PDPN: variants seen among roughly 807,000 people sequenced by gnomAD.
PDPN encodes the protein podoplanin.
PDPN carries 12 observed loss-of-function variants against 23.2 expected under a neutral mutation model. The ratio of observed to expected loss-of-function variants is 0.52; its 90% CI spans 0.33 to 0.84. The LOEUF (loss-of-function observed/expected upper bound fraction) is 0.84, where lower values mean the gene tolerates loss of function less well. Among genes scored for constraint, PDPN ranks in the 40% least tolerant of loss-of-function variants. The pLI is 0.02. For synonymous variants in PDPN, 77 were observed against 76.7 expected, an observed-to-expected ratio of 1.00 and a Z score of -0.02; for missense variants, 199 against 212.2, an observed-to-expected ratio of 0.94 and a Z score of 0.39.
chr1:13,585,587 GC>G (rs1359503709), intron 1 of PDPN: 1 of 1,351,898 alleles, frequency 7.4e-7, no homozygotes, highest in Non-Finnish European at 9.8e-7. Context: ...CTTTGTTTTT[GC>G]CCAGGGAAGC....
At chr1:13,587,681 C>CA (rs1299641760) in intron 1 of PDPN, among the ~76,000 whole-genome samples, 4 of 152,126 alleles carry the variant, frequency 2.6e-5, no homozygotes, top group African/African-American at 9.7e-5. Flanking sequence ...TCCAAGTGGA[C>CA]AGTTACTGTG....
chr1:13,609,474 C>A (rs1640878923), intron 2 of PDPN, among the ~76,000 whole-genome samples: 1 of 152,112 alleles, frequency 6.6e-6, no homozygotes, highest in African/African-American at 2.4e-5. Flanking sequence ...ATCATCTCAA[C>A]CATTTTTAAG....
At chr1:13,589,407 A>G (rs1036585667) in intron 1 of PDPN, among the ~76,000 whole-genome samples, 15 of 152,220 alleles carry the variant, frequency 9.9e-5, no homozygotes, top group Non-Finnish European at 1.8e-4. Flanking sequence ...CCATAAGATT[A>G]AATGTGAATC....
At chr1:13,587,772 C>A (rs996717838) in intron 1 of PDPN, among the ~76,000 whole-genome samples, 49 of 152,216 alleles carry the variant, frequency 3.2e-4, no homozygotes, top group African/African-American at 1.1e-3. Flanking sequence ...TGAGCTAGAG[C>A]CCCGGTAGGG....
chr1:13,609,968 G>A (rs1640892012), intron 2 of PDPN, among the ~76,000 whole-genome samples: 1 of 152,168 alleles, frequency 6.6e-6, no homozygotes, highest in Non-Finnish European at 1.5e-5. Context: ...GGAGGCTGAG[G>A]TAGGAGAATT....
rs1365995867 is a variant in PDPN at position 13,616,486 on chromosome 1, C to G, written c.*575C>G. The G allele has an allele frequency of 6.5e-6, 1 of 154,436 alleles. No homozygotes were observed. Among genetic ancestry groups the G allele is most frequent in the Non-Finnish European group, 1.4e-5 (1 of 69,446 alleles). 9.6% of individuals were successfully genotyped at this position (154,436 alleles called of 1,614,324 possible). ...TGGATAACACGTGGTGAACAACTGC[C>G]TTTAGCTGGTCCAGATTAATCATTT... On this transcript the variant is annotated 3_prime_UTR_variant, in exon 6 of 6. Transcript: ENST00000621990.
intron 2 of PDPN, among the ~76,000 whole-genome samples, chr1:13,609,863 G>T (rs1301531971): frequency 2.0e-5 from 3 of 151,996 alleles, no homozygotes; most frequent in African/African-American, 7.3e-5. Context: ...TCGGGAGTTC[G>T]AGGCCAGCCT....
rs1403498123 is a variant in PDPN, at chr1:13,616,087, A to C, written c.*176A>C. 14 of 634,074 alleles carry C rather than the reference A, an allele frequency of 2.2e-5. No individual in the cohort carries two copies. The East Asian group carries it at 3.5e-4, about 16-fold the overall frequency. The allele number at this position is 634,074 out of a possible 1,614,324, so 39.3% of individuals were successfully genotyped here. On this transcript the variant is annotated 3_prime_UTR_variant, in exon 6 of 6. Transcript: ENST00000621990. ...ATAACCGAAGGAAAGACCGTTCACCAGACTTGGCTCCTCTAAACATTTGCT... is the reference window on the plus strand; with the variant it reads ...ATAACCGAAGGAAAGACCGTTCACCCGACTTGGCTCCTCTAAACATTTGCT...
At chr1:13,599,581 A>C (rs1570033570) in intron 1 of PDPN, among the ~76,000 whole-genome samples, 1 of 151,520 alleles carries the variant, frequency 6.6e-6, no homozygotes, top group African/African-American at 2.4e-5. Flanking sequence ...AGACGGTTTC[A>C]CCATGTTGGC....
intron 1 of PDPN, 156 bp downstream of exon 1, chr1:13,584,256 G>C: frequency 6.5e-7 from 1 of 1,532,340 alleles, no homozygotes; most frequent in Non-Finnish European, 8.7e-7. Flanking sequence ...CGGAGGAGGA[G>C]AGGCAGCGGC....
chr1:13,614,888 A>G lies in PDPN; in HGVS notation c.482+477A>G, dbSNP rs55839036. On this transcript the variant is annotated intron_variant, in intron 5 of 5. Transcript: ENST00000621990. ...AGACCTTATAAATTTCCAAAATAAG[A>G]GAGTCAGAGCCAGAGGTGGCTTGTA... 6.8e-3 allele frequency: 3,398 copies of G among 500,100 alleles called. 100 individuals carry two copies. Among genetic ancestry groups the G allele is most frequent in the African/African-American group, 0.061 (3,091 of 50,760 alleles). 31.0% of individuals were successfully genotyped at this position (500,100 alleles called of 1,614,324 possible).
intron 1 of PDPN, among the ~76,000 whole-genome samples, chr1:13,601,840 A>G (rs983893550): frequency 3.7e-4 from 56 of 152,354 alleles, no homozygotes; most frequent in African/African-American, 1.3e-3. Flanking sequence ...CATAAGGAAA[A>G]CATAGGTGAA....
Position 13,615,989 on chromosome 1 carries a change from C to T in PDPN, c.*78C>T, listed in dbSNP as rs369459653. ...TGACTCTGTGCCCTGTCCCTGAGCT[C>T]GTGGGAGAAGATGACCCGTGGAACA... On this transcript the variant is annotated 3_prime_UTR_variant, in exon 6 of 6. Transcript: ENST00000621990. The T allele has an allele frequency of 3.5e-5, 49 of 1,382,958 alleles. No individual in the cohort carries two copies. The African/African-American group carries it at 4.4e-4, about 12-fold the overall frequency. 85.7% of individuals were successfully genotyped at this position (1,382,958 alleles called of 1,614,324 possible).
At position 13,617,369 on chromosome 1, in the gene PDPN, C is replaced by T. The variant is rs1641099565; in HGVS notation, c.*1458C>T. The T allele has an allele frequency of 6.6e-6, 1 of 152,160 alleles. No homozygotes were observed. The highest frequency in any genetic ancestry group is 6.5e-5 in the Admixed American group (1 of 15,278). The allele number at this position is 152,160 out of a possible 1,614,324, so 9.4% of individuals were successfully genotyped here. ...CAGTGTGTCTGTGTGTTCCCAAATC[C>T]AGCTGGCCCCACCAGCTCAGATTCC... is the stretch of plus-strand genomic sequence containing the variant. On this transcript the variant is annotated 3_prime_UTR_variant, in exon 6 of 6. Coordinates refer to ENST00000621990, the MANE Select transcript of PDPN (RefSeq NM_006474.5).
rs796172362 is a variant in PDPN at position 13,616,019 on chromosome 1, C to A, written c.*108C>A. The A allele has an allele frequency of 9.5e-7, 1 of 1,047,696 alleles. No individual in the cohort carries two copies. Among genetic ancestry groups the A allele is most frequent in the South Asian group, 1.3e-5 (1 of 77,696 alleles). The allele number at this position is 1,047,696 out of a possible 1,614,324, so 64.9% of individuals were successfully genotyped here. A position where few individuals can be genotyped will look rare whatever the true frequency, so the allele number is the denominator to read the frequency against. ...GAGAAGATGACCCGTGGAACACTTGCCTGGCCCACTCAGAATCCACGGTGA... is the reference window on the plus strand; with the variant it reads ...GAGAAGATGACCCGTGGAACACTTGACTGGCCCACTCAGAATCCACGGTGA... On this transcript the variant is annotated 3_prime_UTR_variant, in exon 6 of 6. Coordinates refer to ENST00000621990, the MANE Select transcript of PDPN (RefSeq NM_006474.5).
chr1:13,606,065 C>T (rs1299571334), intron 1 of PDPN, among the ~76,000 whole-genome samples: 1 of 151,980 alleles, frequency 6.6e-6, no homozygotes, highest in African/African-American at 2.4e-5. Flanking sequence ...TCTCAGCTTA[C>T]TGTAACCCCT....
At position 13,597,808 on chromosome 1, in the gene PDPN, AC is replaced by A. The variant is rs1640534660; in HGVS notation, c.68-9364del. Among the ~76,000 whole-genome samples the A allele has an allele frequency of 3.9e-5, 6 of 152,110 alleles. No homozygotes were observed. In the South Asian group the frequency reaches 1.2e-3, roughly 32 times the overall value. On this transcript the variant is annotated intron_variant, in intron 1 of 5. Transcript: ENST00000621990. The stretch of plus-strand genomic sequence containing the variant: ...ACAACATAGTGAGACCCTGTGGTCT[AC>A]AAAAAAATAAACCCAATTAGCCAGG...
Position 13,583,955 on chromosome 1 carries a change from G to A in PDPN, c.-79G>A. ...CGCGCTCCTCCAGGCTGGGCCTGTG[G>A]CCGCGGTGCTTTTTAATTTTCCCCC... is the stretch of plus-strand genomic sequence containing the variant. On this transcript the variant is annotated 5_prime_UTR_variant, in exon 1 of 6. Coordinates refer to ENST00000621990, the MANE Select transcript of PDPN (RefSeq NM_006474.5). 3.1e-6 allele frequency: 5 copies of A among 1,613,758 alleles called. No homozygotes were observed. The highest frequency in any genetic ancestry group is 4.2e-6 in the Non-Finnish European group (5 of 1,180,008).
rs559141417 is a variant in PDPN, at chr1:13,609,212, T to G, written c.202-1175T>G. Reference sequence around the variant, plus strand: ...ACAGAATAAATTTTCCTAAGGCTAGTCTAGTCTAGTCTAGACAAGGCTAGC... The same window carrying G: ...ACAGAATAAATTTTCCTAAGGCTAGGCTAGTCTAGTCTAGACAAGGCTAGC... On this transcript the variant is annotated intron_variant, in intron 2 of 5. Transcript: ENST00000621990. Among the ~76,000 whole-genome samples, 22 of 152,306 alleles carry G rather than the reference T, an allele frequency of 1.4e-4. No homozygotes were observed. The South Asian group carries it at 1.5e-3, about 10-fold the overall frequency.
Sources: allele counts gnomAD v4.1 joint callset (sites outside exome capture counted in the v4.1 genomes callset), GRCh38; gene constraint gnomAD v4.1.1; transcripts MANE v1.5; gene names NCBI Gene and HGNC (gene_info 2026-07-23, HGNC 2026-07-21).